The following UBE4B variants were observed in gnomAD, a reference collection of about 807,000 sequenced individuals.
UBE4B encodes ubiquitination factor E4B, also known as ubiquitin conjugation factor E4 B.
A neutral mutation model predicts 148.1 loss-of-function variants in UBE4B; 27 were observed. The observed-to-expected ratio is 0.18, with a 90% CI of 0.13 to 0.25. The LOEUF (loss-of-function observed/expected upper bound fraction) is 0.25. UBE4B is among the 10% of genes least tolerant of loss of function. The probability of loss-of-function intolerance (pLI) is 1.00; values close to 1 mark genes in which losing one functional copy is unlikely to be tolerated. For synonymous variants in UBE4B, 596 were observed against 619.3 expected, an observed-to-expected ratio of 0.96 and a Z score of 0.56; for missense variants, 1,170 against 1,662.4, an observed-to-expected ratio of 0.70 and a Z score of 5.15.
chr1:10,166,991 G>A, intron 23 of UBE4B, among the ~76,000 whole-genome samples: 1 of 150,944 alleles, frequency 6.6e-6, no homozygotes, highest in African/African-American at 2.4e-5. Context: ...AATTAGCTGG[G>A]CATGGTGGTC....
chr1:10,118,288 G>A (rs72861457), intron 8 of UBE4B, among the ~76,000 whole-genome samples: 7,102 of 152,122 alleles, frequency 0.047, 233 homozygotes, highest in Middle Eastern at 0.12. Flanking sequence ...GGGCTTTGTT[G>A]TACTTAGCCT....
At chr1:10,132,745 A>G (rs1323837194) in intron 15 of UBE4B, among the ~76,000 whole-genome samples, 1 of 152,212 alleles carries the variant, frequency 6.6e-6, no homozygotes, top group Non-Finnish European at 1.5e-5. Flanking sequence ...CAGAAGGAAG[A>G]TCTGAAGGTG....
chr1:10,107,551 A>ATTTTCTTTTT (rs1645135973), intron 7 of UBE4B, among the ~76,000 whole-genome samples: 1 of 148,704 alleles, frequency 6.7e-6, no homozygotes, highest in Non-Finnish European at 1.5e-5. Flanking sequence ...ACATAGGAGA[A>ATTTTCTTTTT]TTTTCTTTTT....
At chr1:10,147,121 C>G (rs911398998) in intron 19 of UBE4B, 31 bp downstream of exon 19, 43 of 1,613,452 alleles carry the variant, frequency 2.7e-5, no homozygotes, top group Non-Finnish European at 3.6e-5. Context: ...TTCCCTTGTC[C>G]CTCCTTGGCT....
At position 10,180,296 on chromosome 1, in the gene UBE4B, A is replaced by AT. The variant is rs994830674; in HGVS notation, c.*349dup. The AT allele has an allele frequency of 2.7e-4, 65 of 242,110 alleles. No homozygotes were observed. Among genetic ancestry groups the AT allele is most frequent in the South Asian group, 5.0e-4 (4 of 8,014 alleles). 15.0% of individuals were successfully genotyped at this position (242,110 alleles called of 1,614,324 possible). ...GGGTCTGGGCAGCATCCCTTCATGA[A>AT]TTTTTTTTTAATCCAATATCCGTTG... On this transcript the variant is annotated 3_prime_UTR_variant, in exon 28 of 28. Coordinates refer to ENST00000343090, the MANE Select transcript of UBE4B (RefSeq NM_001105562.3).
At chr1:10,157,280 C>G (rs1272300898) in intron 21 of UBE4B, among the ~76,000 whole-genome samples, 3 of 152,108 alleles carry the variant, frequency 2.0e-5, no homozygotes, top group Non-Finnish European at 4.4e-5. Flanking sequence ...CTCGGCCTCC[C>G]AAAGTGCTGG....
intron 21 of UBE4B, among the ~76,000 whole-genome samples, chr1:10,157,694 CTTGAACCCCGAGGCAGAGGTTGCAGT>C (rs1473302318): frequency 6.6e-6 from 1 of 152,070 alleles, no homozygotes; most frequent in African/African-American, 2.4e-5. Context: ...AGGAGAATTG[CTTGAACCCCGAGGCAGAGGTTGCAGT>C]GAGCTGAGAT....
intron 3 of UBE4B, among the ~76,000 whole-genome samples, chr1:10,099,549 A>G (rs1405045059): frequency 6.6e-6 from 1 of 152,196 alleles, no homozygotes; most frequent in East Asian, 1.9e-4. Context: ...CTTCTCCCCA[A>G]GTTGATCTCT....
Position 10,129,444 on chromosome 1 carries a change from A to G in UBE4B, c.1691A>G (p.Asn564Ser), listed in dbSNP as rs746204283. ...TTTGGGAAGACACACCCTGTGTGCA[A>G]TTTGGTAAGCACTCACCTGATGGGC... ...TKFGKTHPVCNLVASLRLWLP... is the reference protein window; with the variant it reads ...TKFGKTHPVCSLVASLRLWLP... Residue 564 changes from asparagine (N) to serine (S), a missense_variant, in exon 12 of 28, where the codon AAT becomes AGT. By Grantham distance (46) the Asn-to-Ser change is conservative (BLOSUM62 1). Coordinates refer to ENST00000343090, the MANE Select transcript of UBE4B (RefSeq NM_001105562.3). The G allele has an allele frequency of 1.9e-6, 3 of 1,612,028 alleles. No homozygotes were observed. The highest frequency in any genetic ancestry group is 2.5e-6 in the Non-Finnish European group (3 of 1,178,280).
rs183211109 is a variant in UBE4B at position 10,107,051 on chromosome 1, C to T, written c.1196+468C>T. Among the ~76,000 whole-genome samples the T allele has an allele frequency of 2.0e-5, 3 of 152,290 alleles. No homozygotes were observed. The East Asian group carries it at 5.8e-4, about 29-fold the overall frequency. ...TTCCACTAATCCAGTGGCCCCTTCT[C>T]TCAAATGTACCTGTATGTGTTTCTA... On this transcript the variant is annotated intron_variant, in intron 7 of 27. Coordinates refer to ENST00000343090, the MANE Select transcript of UBE4B (RefSeq NM_001105562.3).
chr1:10,153,179 G>GAA (rs1646006082), intron 21 of UBE4B, among the ~76,000 whole-genome samples: 1 of 152,038 alleles, frequency 6.6e-6, no homozygotes, highest in Non-Finnish European at 1.5e-5. Context: ...AGATTCTGCA[G>GAA]TGCCAGCCCC....
chr1:10,066,065 C>T (rs955894603), intron 1 of UBE4B, among the ~76,000 whole-genome samples: 2 of 140,700 alleles, frequency 1.4e-5, no homozygotes, highest in African/African-American at 2.6e-5. Context: ...CACTCCTTCC[C>T]TCTCTCCCTC....
intron 21 of UBE4B, among the ~76,000 whole-genome samples, chr1:10,155,675 G>A (rs931847939): frequency 2.0e-5 from 3 of 152,192 alleles, no homozygotes; most frequent in Admixed American, 6.6e-5. Context: ...CACAAGATCA[G>A]TATGTGGAAC....
At chr1:10,144,862 TC>T in intron 17 of UBE4B, 77 bp from the exon 18 acceptor site, 1 of 971,800 alleles carries the variant, frequency 1.0e-6, no homozygotes. Flanking sequence ...CGTGTGAGAG[TC>T]AGTGAAATGA....
chr1:10,150,814 T>C lies in UBE4B; in HGVS notation c.2691-512T>C, dbSNP rs1281471441. Among the ~76,000 whole-genome samples, 15 of 136,414 alleles carry C rather than the reference T, an allele frequency of 1.1e-4. No individual in the cohort carries two copies. The East Asian group carries it at 1.1e-3, about 10-fold the overall frequency. 89.5% of individuals were successfully genotyped at this position (136,414 alleles called of 152,430 possible). On this transcript the variant is annotated intron_variant, in intron 20 of 27. Coordinates refer to ENST00000343090, the MANE Select transcript of UBE4B (RefSeq NM_001105562.3). ...GGCGGAGGTTTCAGTGAGCCGAGAT[T>C]GTGCCACTGCACTCCAGCCTGGGCA...
chr1:10,111,411 C>T (rs1307926178), intron 7 of UBE4B, among the ~76,000 whole-genome samples: 1 of 152,168 alleles, frequency 6.6e-6, no homozygotes, highest in African/African-American at 2.4e-5. Flanking sequence ...ACTCTCCCCA[C>T]TAGACAGCTG....
chr1:10,085,698 T>C (rs181125840), intron 2 of UBE4B, among the ~76,000 whole-genome samples: 7 of 152,304 alleles, frequency 4.6e-5, no homozygotes, highest in Non-Finnish European at 7.4e-5. Flanking sequence ...GAAACTGAGG[T>C]AGTAAGAACA....
rs768357514 is a variant in UBE4B, at chr1:10,171,892, A to ATAAG, written c.3525+579_3525+582dup. Among the ~76,000 whole-genome samples the ATAAG allele has an allele frequency of 5.0e-4, 76 of 152,258 alleles. 1 individual carries two copies. The East Asian group carries it at 6.6e-3, about 13-fold the overall frequency. On this transcript the variant is annotated intron_variant, in intron 25 of 27. Coordinates refer to ENST00000343090, the MANE Select transcript of UBE4B (RefSeq NM_001105562.3). ...TGAGACTCTGTCTCAAAATAAATAA[A>ATAAG]TAAGTAAGTAAGTAAGTAAAAAACA...
rs1188166848 is a variant in UBE4B at position 10,137,079 on chromosome 1, C to G, written c.2237C>G (p.Pro746Arg). 1 of 1,614,122 alleles carries G rather than the reference C, an allele frequency of 6.2e-7. No homozygotes were observed. Among genetic ancestry groups the G allele is most frequent in the South Asian group, 1.1e-5 (1 of 91,082 alleles). ...TTATTTTTCCTAGATGGCGATCAGC[C>G]TCCATTTTCTGAGCCGAAATTCCCT... ...DWLTELYGDQ[P>R]PFSEPKFPTE... is the part of the protein sequence containing the mutation. The change falls in exon 17 of 28, where the codon CCT becomes CGT. Residue 746 changes from proline to arginine, a missense_variant. Pro to Arg is a moderately radical substitution (Grantham distance 103). Transcript: ENST00000343090.
Sources: allele counts gnomAD v4.1 joint callset (sites outside exome capture counted in the v4.1 genomes callset), GRCh38; gene constraint gnomAD v4.1.1; transcripts MANE v1.5; gene names NCBI Gene and HGNC (gene_info 2026-07-23, HGNC 2026-07-21).